HARS1: variants seen among roughly 807,000 people sequenced by gnomAD.
The protein encoded by HARS1 is histidine--tRNA ligase, cytoplasmic.
A neutral mutation model predicts 63.6 loss-of-function variants in HARS1; 45 were observed. The observed-to-expected ratio is 0.71, with a 90% CI of 0.56 to 0.91. The LOEUF is 0.91. Among genes scored for constraint, HARS1 ranks in the 40% least tolerant of loss-of-function variants. The pLI is 0.00. For synonymous variants in HARS1, 205 were observed against 247.1 expected (o/e 0.83, Z 1.60); for missense variants, 508 against 643.2 (o/e 0.79, Z 2.27).
chr5:140,688,177 A>G (rs1373894760), intron 2 of HARS1, among the ~76,000 whole-genome samples: 1 of 152,214 alleles, frequency 6.6e-6, no homozygotes, highest in Non-Finnish European at 1.5e-5. Flanking sequence ...TTGACCATGA[A>G]GATCCCTTGA....
At chr5:140,691,133 C>A in intron 1 of HARS1, 82 bp downstream of exon 1, 1 of 1,146,046 alleles carries the variant, frequency 8.7e-7, no homozygotes, top group Non-Finnish European at 1.3e-6. Flanking sequence ...TCCCTCACAT[C>A]TCTACCCTAT....
At chr5:140,674,389 C>T in intron 12 of HARS1, 61 bp from the exon 13 acceptor site, 1 of 1,184,166 alleles carries the variant, frequency 8.4e-7, no homozygotes, top group South Asian at 1.2e-5. Context: ...TCCCCGAGTG[C>T]CTAGTTTCCT....
At chr5:140,678,870 C>A (rs1282555259) in intron 5 of HARS1, 132 bp downstream of exon 5, 9 of 940,264 alleles carry the variant, frequency 9.6e-6, no homozygotes, top group African/African-American at 1.7e-5. Context: ...AACAAAAAAA[C>A]CACCATAGAA....
chr5:140,677,386 C>T lies in HARS1; in HGVS notation c.764G>A (p.Gly255Glu). The T allele has an allele frequency of 6.2e-7, 1 of 1,613,792 alleles. No individual in the cohort carries two copies. Among genetic ancestry groups the T allele is most frequent in the East Asian group, 2.2e-5 (1 of 44,878 alleles). ...SWEEVKNEMV[G>E]EKGLAPEVAD... ...CACCTCAGGTGCAAGGCCCTTCTCTCCCACCATCTCATTCTTCACCTCTTC... is the reference window on the plus strand; with the variant it reads ...CACCTCAGGTGCAAGGCCCTTCTCTTCCACCATCTCATTCTTCACCTCTTC... Residue 255 changes from glycine (G) to glutamate (E), a missense_variant, in exon 8 of 13, where the codon GGA (glycine) becomes GAA (glutamate). Physicochemically the swap from Gly to Glu is moderately conservative, Grantham distance 98. Around this residue, in one of 2 missense-constraint regions of HARS1, gnomAD observed 403 missense variants for 548.7 expected, o/e 0.73. Transcript: ENST00000504156.
chr5:140,679,784 A>G lies in HARS1; in HGVS notation c.396+4T>C. The G allele has an allele frequency of 1.3e-6, 2 of 1,536,218 alleles. No homozygotes were observed. The highest frequency in any genetic ancestry group is 1.1e-5 in the South Asian group (1 of 88,562). Reference sequence around the variant, plus strand: ...GTCTCAAGAGCCCAAGTTTAGAAAGATACAGTGAGGTCATAGCGAAGGGAC... The same window carrying G: ...GTCTCAAGAGCCCAAGTTTAGAAAGGTACAGTGAGGTCATAGCGAAGGGAC... On this transcript the variant is annotated splice_donor_region_variant and intron_variant, in intron 4 of 12. Transcript: ENST00000504156. This position sits in a 1 kb window ranked among gnomAD's most constrained non-coding sequence, Gnocchi z 4.3.
At position 140,676,951 on chromosome 5, in the gene HARS1, C is replaced by A; in HGVS notation, c.951+38G>T. The A allele has an allele frequency of 6.2e-7, 1 of 1,614,046 alleles. No individual in the cohort carries two copies. Among genetic ancestry groups the A allele is most frequent in the Non-Finnish European group, 8.5e-7 (1 of 1,179,914 alleles). On this transcript the variant is annotated intron_variant, in intron 9 of 12. Coordinates refer to ENST00000504156, the MANE Select transcript of HARS1 (RefSeq NM_002109.6). The surrounding 1 kb of genome is among the most constrained non-coding windows in gnomAD (Gnocchi z 4.1). ...GATTAAGATCAGGGACCTGAAGCCCCAGAGCTCAGAAGGGATCCCGTCCCC... is the reference window on the plus strand; with the variant it reads ...GATTAAGATCAGGGACCTGAAGCCCAAGAGCTCAGAAGGGATCCCGTCCCC...
At position 140,690,880 on chromosome 5, in the gene HARS1, T is replaced by G. The variant is rs201398055; in HGVS notation, c.155A>C (p.Gln52Pro). 119 of 1,605,322 alleles carry G rather than the reference T, an allele frequency of 7.4e-5. No individual in the cohort carries two copies. The South Asian group carries it at 1.1e-3, about 15-fold the overall frequency. Residue 52 changes from glutamine to proline, a missense_variant, in exon 2 of 13, where the codon CAG becomes CCG. This residue lies in a region of HARS1 where 105 missense variants were observed against 94.5 expected (regional missense o/e 1.11). Transcript: ENST00000504156. ...KAQLGPDESK[Q>P]KFVLKTPKGT... ...CTTGGGGGTTTTGAGCACAAATTTC[T>G]GTTTGCTTTCATCAGGACCCAGCTG... is the stretch of plus-strand genomic sequence containing the variant.
chr5:140,675,585 G>A (rs1475275927), intron 10 of HARS1: 1 of 149,846 alleles, frequency 6.7e-6, no homozygotes, highest in African/African-American at 2.5e-5. Flanking sequence ...TTTTTAATCT[G>A]TAGAGACAGG....
chr5:140,679,850 T>C lies in HARS1; in HGVS notation c.334A>G (p.Lys112Glu), dbSNP rs368147707. 1 of 1,608,224 alleles carries C rather than the reference T, an allele frequency of 6.2e-7. No individual in the cohort carries two copies. Among genetic ancestry groups the C allele is most frequent in the African/African-American group, 1.3e-5 (1 of 74,900 alleles). The part of the protein sequence containing the change: ...TLMGKYGEDS[K>E]LIYDLKDQGG... ...TGGTCCTTCAGGTCATAGATAAGCT[T>C]GGAGTCTTCCCCATACTTTCCCATC... The change falls in exon 4 of 13, where the codon AAG (lysine) becomes GAG (glutamate). Residue 112 changes from lysine (K) to glutamate (E), a missense_variant. Lys to Glu is a moderately conservative substitution (Grantham distance 56). Around this residue, in one of 2 missense-constraint regions of HARS1, gnomAD observed 403 missense variants for 548.7 expected, o/e 0.73. Coordinates refer to ENST00000504156, the MANE Select transcript of HARS1 (RefSeq NM_002109.6). The surrounding 1 kb of genome is among the most constrained non-coding windows in gnomAD (Gnocchi z 4.3).
chr5:140,684,100 G>C (rs530853774), intron 2 of HARS1: 4 of 151,460 alleles, frequency 2.6e-5, no homozygotes, highest in East Asian at 2.0e-4. Context: ...CCATCCTGGC[G>C]AACACTGTGA....
chr5:140,677,334 C>T lies in HARS1; in HGVS notation c.816G>A (p.Gln272=), dbSNP rs1389799973. 3 of 1,609,942 alleles carry T rather than the reference C, an allele frequency of 1.9e-6. No homozygotes were observed. The highest frequency in any genetic ancestry group is 1.7e-5 in the Admixed American group (1 of 60,030). Residue 272 remains glutamine (Q), a synonymous_variant, in exon 8 of 13, where the codon CAG becomes CAA. Coordinates refer to ENST00000504156, the MANE Select transcript of HARS1 (RefSeq NM_002109.6). ...CTTGGTTCTGTTCCTCACCATGTTG[C>T]TGGACATAGTCCCCAATGCGGTCAG... The part of the protein sequence containing the change: ...EVADRIGDYV[Q]QHGGVSLVEQ...
At chr5:140,684,420 G>C (rs1170874044) in intron 2 of HARS1, 7 of 980,870 alleles carry the variant, frequency 7.1e-6, no homozygotes, top group Non-Finnish European at 7.3e-6. Context: ...AATTTTATAA[G>C]CAACGTTTCT....
At chr5:140,677,607 A>G in intron 7 of HARS1, 48 bp downstream of exon 7, 1 of 1,314,138 alleles carries the variant, frequency 7.6e-7, no homozygotes. Flanking sequence ...TCCATTTCCC[A>G]AGGCAGGGTG....
At position 140,676,956 on chromosome 5, in the gene HARS1, C is replaced by G. The variant is rs1458818979; in HGVS notation, c.951+33G>C. On this transcript the variant is annotated intron_variant, in intron 9 of 12. Coordinates refer to ENST00000504156, the MANE Select transcript of HARS1 (RefSeq NM_002109.6). The surrounding 1 kb of genome is among the most constrained non-coding windows in gnomAD (Gnocchi z 4.1). Reference sequence around the variant, plus strand: ...AGATCAGGGACCTGAAGCCCCAGAGCTCAGAAGGGATCCCGTCCCCAACTT... The same window carrying G: ...AGATCAGGGACCTGAAGCCCCAGAGGTCAGAAGGGATCCCGTCCCCAACTT... 1 of 1,614,194 alleles carries G rather than the reference C, an allele frequency of 6.2e-7. No individual in the cohort carries two copies.
At chr5:140,681,476 T>C (rs1758727357) in intron 3 of HARS1, among the ~76,000 whole-genome samples, 1 of 152,102 alleles carries the variant, frequency 6.6e-6, no homozygotes, top group East Asian at 1.9e-4. Flanking sequence ...ACCACCAACC[T>C]GGTCAACATG....
At position 140,679,890 on chromosome 5, in the gene HARS1, A is replaced by G; in HGVS notation, c.301-7T>C. ...ACTTTCCCATCAGTGTTTCCTGGAG[A>G]AAACATAAATAAATGTGGTCATAAT... On this transcript the variant is annotated splice_polypyrimidine_tract_variant and splice_region_variant and intron_variant, in intron 3 of 12. Transcript: ENST00000504156. This position sits in a 1 kb window ranked among gnomAD's most constrained non-coding sequence, Gnocchi z 4.3. The G allele has an allele frequency of 6.8e-7, 1 of 1,477,328 alleles. No homozygotes were observed. The highest frequency in any genetic ancestry group is 9.5e-7 in the Non-Finnish European group (1 of 1,057,496). The allele number at this position is 1,477,328 out of a possible 1,614,324, so 91.5% of individuals were successfully genotyped here. A position where few individuals can be genotyped will look rare whatever the true frequency, so the allele number is the denominator to read the frequency against.
chr5:140,680,906 T>A (rs201654500), intron 3 of HARS1, among the ~76,000 whole-genome samples: 5,007 of 150,136 alleles, frequency 0.033, 146 homozygotes, highest in African/African-American at 0.079. Context: ...CTTTTTTTTT[T>A]TAAAAAAAAG....
At chr5:140,685,810 A>G (rs2149835999) in intron 2 of HARS1, among the ~76,000 whole-genome samples, 1 of 152,314 alleles carries the variant, frequency 6.6e-6, no homozygotes, top group Middle Eastern at 3.4e-3. Context: ...TGTACTTTGA[A>G]TGAATGGATC....
In HARS1 at chr5:140,677,109, T is replaced by C. The variant is rs1303746016; in HGVS notation, c.831A>G (p.Val277=). Residue 277 remains valine (V), a synonymous_variant, in exon 9 of 13, where the codon GTA becomes GTG. Coordinates refer to ENST00000504156, the MANE Select transcript of HARS1 (RefSeq NM_002109.6). Reference sequence around the variant, plus strand: ...CCTGGAGCAGCTGTTCCACCAGGGATACCCCACCTGGGGAGACAGACTTGT... The same window carrying C: ...CCTGGAGCAGCTGTTCCACCAGGGACACCCCACCTGGGGAGACAGACTTGT... ...IGDYVQQHGG[V]SLVEQLLQDP... The C allele has an allele frequency of 2.5e-6, 4 of 1,613,872 alleles. No individual in the cohort carries two copies. The African/African-American group carries it at 5.3e-5, about 22-fold the overall frequency.
Sources: gnomAD v4.1 joint callset for allele counts (sites outside exome capture counted in the v4.1 genomes callset) on GRCh38, gnomAD v4.1.1 for gene constraint, gnomAD v4.1.1 regional missense constraint, Gnocchi (gnomAD v3.1) non-coding constraint, MANE v1.5 for transcripts, NCBI Gene and HGNC (gene_info 2026-07-23, HGNC 2026-07-21) for gene names.